The following UNC13C variants were observed in gnomAD, a reference collection of about 807,000 sequenced individuals.
UNC13C encodes the protein unc-13 homolog C, also known as protein unc-13 homolog C.
In UNC13C, 174 loss-of-function variants were observed where a neutral mutation model predicts 245.4. The observed-to-expected ratio is 0.71, with a 90% confidence interval of 0.63 to 0.80. UNC13C has a LOEUF of 0.80. Among genes scored for constraint, UNC13C ranks in the 30% least tolerant of loss-of-function variants. The pLI is 0.00. For synonymous variants in UNC13C, 992 were observed against 895.1 expected, an observed-to-expected ratio of 1.11 and a Z score of -1.93; for missense variants, 2,829 against 2,602.9, an observed-to-expected ratio of 1.09 and a Z score of -1.89.
At chr15:54,079,016 G>T (rs12438701) in intron 2 of UNC13C, among the ~76,000 whole-genome samples, 71,246 of 151,904 alleles carry the variant, frequency 0.47, 18,651 homozygotes, top group Non-Finnish European at 0.6. Context: ...TCTATTTTTA[G>T]TCTTCTGCAT....
At chr15:54,092,136 T>A in intron 2 of UNC13C, among the ~76,000 whole-genome samples, 1 of 152,202 alleles carries the variant, frequency 6.6e-6, no homozygotes, top group East Asian at 1.9e-4. Flanking sequence ...GTGTTCCACC[T>A]TCCTCACTGG....
At chr15:54,430,507 G>A (rs2040850282) in intron 19 of UNC13C, among the ~76,000 whole-genome samples, 1 of 151,222 alleles carries the variant, frequency 6.6e-6, no homozygotes. Context: ...TTTTTAATGT[G>A]TTAATTGCTC....
intron 2 of UNC13C, among the ~76,000 whole-genome samples, chr15:54,082,435 C>T (rs1898999354): frequency 1.3e-5 from 2 of 151,990 alleles, no homozygotes; most frequent in Admixed American, 1.3e-4. Flanking sequence ...TTTACATAGC[C>T]CCATGTTTCT....
At chr15:54,069,849 C>G (rs1482810944) in intron 2 of UNC13C, among the ~76,000 whole-genome samples, 1 of 152,200 alleles carries the variant, frequency 6.6e-6, no homozygotes, top group Non-Finnish European at 1.5e-5. Context: ...AGGAGTAGTC[C>G]TCAATCTTCT....
intron 19 of UNC13C, among the ~76,000 whole-genome samples, chr15:54,475,260 T>C (rs1892663397): frequency 6.6e-6 from 1 of 150,384 alleles, no homozygotes; most frequent in Non-Finnish European, 1.5e-5. Flanking sequence ...TTGTGTATAG[T>C]GAGAGGGGTA....
chr15:54,622,395 G>A lies in UNC13C; in HGVS notation c.6175G>A (p.Gly2059Arg), dbSNP rs1900852456. The change falls in exon 31 of 33, where the codon GGA becomes AGA. Residue 2059 changes from glycine to arginine, a missense_variant. Coordinates refer to ENST00000260323, the MANE Select transcript of UNC13C (RefSeq NM_001080534.3). ...GGACATCACTGCCACCCCAGGAACG[G>A]GAGATCATAAAGTCACTGTAAAAGG... ...HVDITATPGT[G>R]DHKVTVKVIA... The A allele has an allele frequency of 6.2e-7, 1 of 1,612,954 alleles. No individual in the cohort carries two copies. Among genetic ancestry groups the A allele is most frequent in the Admixed American group, 1.7e-5 (1 of 59,890 alleles).
the UNC13C span, among the ~76,000 whole-genome samples, chr15:53,886,775 G>T: frequency 6.6e-6 from 1 of 152,082 alleles, no homozygotes; most frequent in Non-Finnish European, 1.5e-5. Flanking sequence ...TACAAATCAG[G>T]TTGATAGTAG....
chr15:53,914,118 CCCAAAG>C, the UNC13C span: 3 of 14,072 alleles, frequency 2.1e-4, no homozygotes, highest in Non-Finnish European at 4.3e-4. Flanking sequence ...GGCCTGTGTG[CCCAAAG>C]CTTATATGCC....
intron 19 of UNC13C, among the ~76,000 whole-genome samples, chr15:54,435,233 T>A (rs1427483112): frequency 6.6e-6 from 1 of 152,154 alleles, no homozygotes; most frequent in Non-Finnish European, 1.5e-5. Flanking sequence ...TTACTGGGTA[T>A]ATACACAAAG....
intron 8 of UNC13C, 93 bp from the exon 9 acceptor site, chr15:54,264,075 T>A (rs2036492683): frequency 3.9e-6 from 5 of 1,272,462 alleles, no homozygotes; most frequent in Middle Eastern, 1.9e-4. Flanking sequence ...AAGCACTCAT[T>A]CATTCTCACT....
intron 4 of UNC13C, among the ~76,000 whole-genome samples, chr15:54,172,057 A>C (rs977629186): frequency 4.6e-5 from 7 of 152,118 alleles, no homozygotes; most frequent in Admixed American, 2.6e-4. Flanking sequence ...CTAAAAATTA[A>C]AACAATTGTA....
chr15:54,427,516 T>C (rs1177585052), intron 19 of UNC13C, among the ~76,000 whole-genome samples: 2 of 151,760 alleles, frequency 1.3e-5, no homozygotes, highest in Non-Finnish European at 2.9e-5. Context: ...ATATTATTTT[T>C]CTGATTTAAA....
At chr15:54,508,789 G>T (rs1894596592) in intron 23 of UNC13C, among the ~76,000 whole-genome samples, 1 of 152,122 alleles carries the variant, frequency 6.6e-6, no homozygotes, top group Non-Finnish European at 1.5e-5. Flanking sequence ...TTTAATATCA[G>T]ATTTCAATAT....
chr15:54,312,852 G>T (rs1289614720), intron 13 of UNC13C, among the ~76,000 whole-genome samples: 1 of 151,800 alleles, frequency 6.6e-6, no homozygotes, highest in East Asian at 1.9e-4. Flanking sequence ...TAGTGTTTTA[G>T]GAGTTTATAT....
intron 23 of UNC13C, among the ~76,000 whole-genome samples, chr15:54,510,727 C>G (rs1324008123): frequency 1.3e-5 from 2 of 152,164 alleles, no homozygotes; most frequent in Non-Finnish European, 2.9e-5. Context: ...CCCTTGAGTC[C>G]TTTGCATGAC....
At chr15:54,073,083 C>T (rs1056287080) in intron 2 of UNC13C, among the ~76,000 whole-genome samples, 1 of 152,062 alleles carries the variant, frequency 6.6e-6, no homozygotes, top group African/African-American at 2.4e-5. Flanking sequence ...TCCCTGTGTC[C>T]ATGGGTTCTC....
chr15:53,882,845 T>A, the UNC13C span, among the ~76,000 whole-genome samples: 2 of 152,154 alleles, frequency 1.3e-5, no homozygotes, highest in African/African-American at 2.4e-5. Flanking sequence ...TTATTTTTAT[T>A]AGTAAACTGC....
At chr15:54,060,934 A>G (rs1054143458) in intron 2 of UNC13C, among the ~76,000 whole-genome samples, 10 of 152,038 alleles carry the variant, frequency 6.6e-5, no homozygotes, top group Non-Finnish European at 1.3e-4. Context: ...ACATGGACAC[A>G]GGAAGGGGAA....
chr15:53,876,615 CT>C, the UNC13C span, among the ~76,000 whole-genome samples: 3 of 151,930 alleles, frequency 2.0e-5, no homozygotes, highest in East Asian at 3.9e-4. Context: ...TTATGTCAGG[CT>C]TTTTTTTGGT....
Sources: allele counts gnomAD v4.1 joint callset (sites outside exome capture counted in the v4.1 genomes callset), GRCh38; gene constraint gnomAD v4.1.1; transcripts MANE v1.5; gene names NCBI Gene and HGNC (gene_info 2026-07-23, HGNC 2026-07-21).